AKT2: variants seen among roughly 807,000 people sequenced by gnomAD.
The protein encoded by AKT2 is RAC-beta serine/threonine-protein kinase.
A neutral mutation model predicts 58.6 loss-of-function variants in AKT2; 16 were observed. The ratio of observed to expected loss-of-function variants is 0.27; its 90% CI spans 0.18 to 0.41. The LOEUF is 0.41. Ranked by LOEUF, AKT2 falls within the 10% of genes least tolerant of loss-of-function variation. The probability of loss-of-function intolerance (pLI) is 1.00; values close to 1 mark genes in which losing one functional copy is unlikely to be tolerated. For synonymous variants in AKT2, 253 were observed against 254.0 expected, an observed-to-expected ratio of 1.00 and a Z score of 0.04; for missense variants, 438 against 661.0, an observed-to-expected ratio of 0.66 and a Z score of 3.70.
At chr19:40,270,458 C>T (rs1004242521) in intron 1 of AKT2, 1 of 152,338 alleles carries the variant, frequency 6.6e-6, no homozygotes, top group African/African-American at 2.4e-5. Context: ...CTTTCCTTGC[C>T]ACTTACTAAG....
intron 4 of AKT2, chr19:40,244,469 T>C (rs371517439): frequency 3.9e-5 from 6 of 152,230 alleles, no homozygotes; most frequent in East Asian, 1.9e-4. Context: ...TTCTGTCTAA[T>C]AAGTGAAAAT....
Position 40,233,088 on chromosome 19 carries a change from G to T in AKT2, c.*784C>A, listed in dbSNP as rs1973797181. On this transcript the variant is annotated 3_prime_UTR_variant, in exon 14 of 14. Coordinates refer to ENST00000392038, the MANE Select transcript of AKT2 (RefSeq NM_001626.6). This position sits in a 1 kb window ranked among gnomAD's most constrained non-coding sequence, Gnocchi z 4.3. Reference sequence around the variant, plus strand: ...GCCAGGCCAGGCCCAGGGTCCAGCGGGAGGTAAGGCCAGCTGGAAGGAAGC... The same window carrying T: ...GCCAGGCCAGGCCCAGGGTCCAGCGTGAGGTAAGGCCAGCTGGAAGGAAGC... 2 of 237,870 alleles carry T rather than the reference G, an allele frequency of 8.4e-6. No individual in the cohort carries two copies. 14.7% of individuals were successfully genotyped at this position (237,870 alleles called of 1,614,324 possible). A position where few individuals can be genotyped will look rare whatever the true frequency, so the allele number is the denominator to read the frequency against.
intron 1 of AKT2, chr19:40,274,739 C>G: frequency 3.3e-6 from 1 of 305,496 alleles, no homozygotes; most frequent in Non-Finnish European, 6.6e-6. Flanking sequence ...AGGGCTGAGG[C>G]GCGTTCGAGG....
chr19:40,234,786 G>C lies in AKT2; in HGVS notation c.1366+259C>G, dbSNP rs1024467566. ...AAACAGCTGTAAAGCAGTGAACCCAGCCAGGCTCAGGGACCGGGCTGCCTC... is the reference window on the plus strand; with the variant it reads ...AAACAGCTGTAAAGCAGTGAACCCACCCAGGCTCAGGGACCGGGCTGCCTC... On this transcript the variant is annotated intron_variant, in intron 13 of 13. Transcript: ENST00000392038. The surrounding 1 kb of genome is among the most constrained non-coding windows in gnomAD (Gnocchi z 4.7). 1 of 618,084 alleles carries C rather than the reference G, an allele frequency of 1.6e-6. No individual in the cohort carries two copies. The highest frequency in any genetic ancestry group is 1.8e-5 in the African/African-American group (1 of 54,228). The allele number at this position is 618,084 out of a possible 1,614,324, so 38.3% of individuals were successfully genotyped here.
At position 40,242,007 on chromosome 19, in the gene AKT2, C is replaced by G. The variant is rs780380598; in HGVS notation, c.504G>C (p.Leu168=). The change falls in exon 6 of 14, where the codon CTG becomes CTC. Residue 168 remains leucine, a synonymous_variant. Coordinates refer to ENST00000392038, the MANE Select transcript of AKT2 (RefSeq NM_001626.6). This position sits in a 1 kb window ranked among gnomAD's most constrained non-coding sequence, Gnocchi z 4.3. ...LGKGTFGKVI[L]VREKATGRYY... ...AGCGGCCAGTGGCCTTCTCCCGCAC[C>G]AGGATGACTTTGCCAAAGGTTCCCT... The G allele has an allele frequency of 1.2e-6, 2 of 1,614,126 alleles. No homozygotes were observed. The highest frequency in any genetic ancestry group is 2.2e-5 in the South Asian group (2 of 91,092).
chr19:40,261,942 C>T (rs1255970083), intron 2 of AKT2, among the ~76,000 whole-genome samples: 1 of 150,350 alleles, frequency 6.7e-6, no homozygotes, highest in East Asian at 1.9e-4. Flanking sequence ...TAAAAAAAAC[C>T]TCATCTGTGT....
intron 4 of AKT2, among the ~76,000 whole-genome samples, chr19:40,250,083 A>G (rs1358030358): frequency 6.6e-6 from 1 of 152,224 alleles, no homozygotes; most frequent in African/African-American, 2.4e-5. Flanking sequence ...TGCTTGTGGT[A>G]GGAAATGCTT....
chr19:40,247,623 G>A (rs1341957706), intron 4 of AKT2, among the ~76,000 whole-genome samples: 2 of 152,130 alleles, frequency 1.3e-5, no homozygotes, highest in East Asian at 3.9e-4. Flanking sequence ...AACTCTCCTC[G>A]TAAGCCATGA....
rs1490764778 is a variant in AKT2, at chr19:40,231,630, G to A, written c.*2242C>T. ...CTGCACAGCAGGGCTCAGCAGGGCAGGCCAGGGCTCTGGTCCCTGGTCCCT... is the reference window on the plus strand; with the variant it reads ...CTGCACAGCAGGGCTCAGCAGGGCAAGCCAGGGCTCTGGTCCCTGGTCCCT... On this transcript the variant is annotated 3_prime_UTR_variant, in exon 14 of 14. Coordinates refer to ENST00000392038, the MANE Select transcript of AKT2 (RefSeq NM_001626.6). 1.3e-5 allele frequency: 3 copies of A among 233,290 alleles called. No individual in the cohort carries two copies. The highest frequency in any genetic ancestry group is 1.1e-4 in the Admixed American group (2 of 17,790). The allele number at this position is 233,290 out of a possible 1,614,324, so 14.5% of individuals were successfully genotyped here. A position where few individuals can be genotyped will look rare whatever the true frequency, so the allele number is the denominator to read the frequency against.
rs2145293719 is a variant in AKT2, at chr19:40,255,218, C to T, written c.227G>A (p.Arg76His). ...GATGACTGTGGTCCACTGCAGGCAG[C>T]GTATGACAAAGGTGTTGGGTCGCGG... is the stretch of plus-strand genomic sequence containing the variant. ...ERPRPNTFVI[R>H]CLQWTTVIER... Residue 76 changes from arginine (R) to histidine (H), a missense_variant, in exon 4 of 14, where the codon CGC becomes CAC. Coordinates refer to ENST00000392038, the MANE Select transcript of AKT2 (RefSeq NM_001626.6). The T allele has an allele frequency of 1.2e-6, 2 of 1,614,092 alleles. No individual in the cohort carries two copies. Among genetic ancestry groups the T allele is most frequent in the Non-Finnish European group, 1.7e-6 (2 of 1,179,960 alleles).
rs1973674196 is a variant in AKT2 at position 40,231,002 on chromosome 19, C to T, written c.*2870G>A. 9.9e-6 allele frequency: 2 copies of T among 202,904 alleles called. No homozygotes were observed. Among genetic ancestry groups the T allele is most frequent in the East Asian group, 7.6e-5 (1 of 13,134 alleles). 12.6% of individuals were successfully genotyped at this position (202,904 alleles called of 1,614,324 possible). A position where few individuals can be genotyped will look rare whatever the true frequency, so the allele number is the denominator to read the frequency against. On this transcript the variant is annotated 3_prime_UTR_variant, in exon 14 of 14. Transcript: ENST00000392038. ...CCTCCCAAATTGCTGGGATTACAGG[C>T]ATGAGCCACTGTGCCCAGTCACTGT...
At chr19:40,239,892 T>C (rs758956797) in intron 7 of AKT2, 153 bp downstream of exon 7, 7 of 908,610 alleles carry the variant, frequency 7.7e-6, no homozygotes, top group Admixed American at 3.7e-5. Context: ...CCACATGTCT[T>C]GGTTCGGATG....
rs748551877 is a variant in AKT2 at position 40,276,345 on chromosome 19, CTTTTTTTTTTTTTTTTTTTT to C, written c.-85+8816_-85+8835del. ...AGCTTCCGCATCTGTAAAATGGAAT[CTTTTTTTTTTTTTTTTTTTT>C]TTTTTTTTTTTTTTTTTTTGAGACA... On this transcript the variant is annotated intron_variant, in intron 1 of 13. Coordinates refer to ENST00000392038, the MANE Select transcript of AKT2 (RefSeq NM_001626.6). Among the ~76,000 whole-genome samples the C allele has an allele frequency of 5.3e-4, 31 of 58,510 alleles. 1 individual carries two copies. The highest frequency in any genetic ancestry group is 1.4e-3 in the East Asian group (2 of 1,478). 38.4% of individuals were successfully genotyped at this position (58,510 alleles called of 152,430 possible). A position where few individuals can be genotyped will look rare whatever the true frequency, so the allele number is the denominator to read the frequency against.
rs2077275237 is a variant in AKT2 at position 40,274,600 on chromosome 19, A to C, written c.-84-9249T>G. Reference sequence around the variant, plus strand: ...AAGATTCAGTGCAGGGAAAGGGAGCAGGGGTTTCCGACTATACACAGGATG... The same window carrying C: ...AAGATTCAGTGCAGGGAAAGGGAGCCGGGGTTTCCGACTATACACAGGATG... On this transcript the variant is annotated intron_variant, in intron 1 of 13. Coordinates refer to ENST00000392038, the MANE Select transcript of AKT2 (RefSeq NM_001626.6). 2.7e-5 allele frequency: 5 copies of C among 183,228 alleles called. No homozygotes were observed. The South Asian group carries it at 5.6e-4, about 21-fold the overall frequency. 11.4% of individuals were successfully genotyped at this position (183,228 alleles called of 1,614,324 possible).
intron 1 of AKT2, among the ~76,000 whole-genome samples, chr19:40,269,885 C>T (rs1332051827): frequency 1.3e-5 from 2 of 152,180 alleles, no homozygotes; most frequent in African/African-American, 4.8e-5. Flanking sequence ...TCAGCTCCCA[C>T]CCCTTCTCCG....
At position 40,242,401 on chromosome 19, in the gene AKT2, C is replaced by T. The variant is rs1974468646; in HGVS notation, c.441+133G>A. The T allele has an allele frequency of 1.4e-6, 2 of 1,406,360 alleles. No homozygotes were observed. Among genetic ancestry groups the T allele is most frequent in the African/African-American group, 1.4e-5 (1 of 71,060 alleles). 87.1% of individuals were successfully genotyped at this position (1,406,360 alleles called of 1,614,324 possible). A position where few individuals can be genotyped will look rare whatever the true frequency, so the allele number is the denominator to read the frequency against. On this transcript the variant is annotated intron_variant, in intron 5 of 13. Transcript: ENST00000392038. The surrounding 1 kb of genome is among the most constrained non-coding windows in gnomAD (Gnocchi z 4.3). ...CTAGGGCACCTGCCACCTGAAATCA[C>T]CCCACCCTGCAGGGCAGCCTTGTCT...
At chr19:40,268,700 G>A (rs1439481580) in intron 1 of AKT2, 1 of 152,650 alleles carries the variant, frequency 6.6e-6, no homozygotes, top group Non-Finnish European at 1.5e-5. Context: ...AGGGAGAGCA[G>A]GGGGAGGAGT....
intron 4 of AKT2, among the ~76,000 whole-genome samples, chr19:40,253,393 A>T (rs560373953): frequency 4.5e-4 from 69 of 152,204 alleles, no homozygotes; most frequent in Non-Finnish European, 9.6e-4. Flanking sequence ...TACAAAGGGC[A>T]AAGCTCCTTA....
Position 40,234,958 on chromosome 19 carries a change from G to A in AKT2, c.1366+87C>T, listed in dbSNP as rs755870568. ...CAGACATGAAGCGGGGGCCTTCGAG[G>A]GCCCTCCTTGAGAAGTGAGTTAAGA... On this transcript the variant is annotated intron_variant, in intron 13 of 13. Coordinates refer to ENST00000392038, the MANE Select transcript of AKT2 (RefSeq NM_001626.6). The surrounding 1 kb of genome is among the most constrained non-coding windows in gnomAD (Gnocchi z 4.7). The A allele has an allele frequency of 1.4e-5, 17 of 1,230,070 alleles. No homozygotes were observed. The highest frequency in any genetic ancestry group is 1.9e-5 in the Non-Finnish European group (16 of 838,170). 76.2% of individuals were successfully genotyped at this position (1,230,070 alleles called of 1,614,324 possible).
Sources: gnomAD v4.1 joint callset for allele counts (sites outside exome capture counted in the v4.1 genomes callset) on GRCh38, gnomAD v4.1.1 for gene constraint, Gnocchi (gnomAD v3.1) non-coding constraint, MANE v1.5 for transcripts, NCBI Gene and HGNC (gene_info 2026-07-23, HGNC 2026-07-21) for gene names.